Variants in CINP observed in about 807,000 individuals in gnomAD.
CINP encodes the protein cyclin dependent kinase 2 interacting protein, also known as cyclin-dependent kinase 2-interacting protein.
In CINP, 11 loss-of-function variants were observed where a neutral mutation model predicts 20.5. The ratio of observed to expected loss-of-function variants is 0.54; its 90% CI spans 0.34 to 0.89. The LOEUF (loss-of-function observed/expected upper bound fraction) is 0.89. Among genes scored for constraint, CINP ranks in the 40% least tolerant of loss-of-function variants. The probability of loss-of-function intolerance (pLI) is 0.02; values close to 1 mark genes in which losing one functional copy is unlikely to be tolerated. For missense variants in CINP, 213 were observed against 251.0 expected (o/e 0.85, Z 1.02); for synonymous variants, 108 against 102.1 (o/e 1.06, Z -0.35).
intron 1 of CINP, chr14:102,362,552 A>C: frequency 1.4e-6 from 1 of 703,296 alleles, no homozygotes; most frequent in Non-Finnish European, 2.6e-6. Flanking sequence ...TGTTAGTACT[A>C]ATTTATAGTG....
chr14:102,350,192 G>A, intron 3 of CINP, 144 bp from the exon 4 acceptor site: 1 of 665,340 alleles, frequency 1.5e-6, no homozygotes, highest in South Asian at 2.1e-5. Flanking sequence ...TCTACGTACA[G>A]CAAATTCCCA....
chr14:102,362,868 C>T lies in CINP; in HGVS notation c.-17G>A. On this transcript the variant is annotated 5_prime_UTR_variant, in exon 1 of 5. Coordinates refer to ENST00000216756, the MANE Select transcript of CINP (RefSeq NM_032630.3). Reference sequence around the variant, plus strand: ...ACCTTCCATAAGGTCCACAGATATCCGTAGAAGGAGACGCGAAGCCCCGCC... The same window carrying T: ...ACCTTCCATAAGGTCCACAGATATCTGTAGAAGGAGACGCGAAGCCCCGCC... The T allele has an allele frequency of 6.2e-7, 1 of 1,614,080 alleles. No homozygotes were observed. The highest frequency in any genetic ancestry group is 1.7e-5 in the Admixed American group (1 of 60,026).
At chr14:102,349,851 G>A in intron 4 of CINP, 68 bp downstream of exon 4, 2 of 1,564,872 alleles carry the variant, frequency 1.3e-6, no homozygotes, top group Admixed American at 1.8e-5. Flanking sequence ...AGTACCAGAT[G>A]TAAACGATAC....
At chr14:102,361,286 T>C (rs1319975091) in intron 1 of CINP, among the ~76,000 whole-genome samples, 10 of 151,900 alleles carry the variant, frequency 6.6e-5, no homozygotes, top group African/African-American at 1.2e-4. Flanking sequence ...TGGAATGAAA[T>C]AGACAGAAAA....
At chr14:102,361,307 G>T (rs1317185546) in intron 1 of CINP, among the ~76,000 whole-genome samples, 1 of 152,134 alleles carries the variant, frequency 6.6e-6, no homozygotes, top group Non-Finnish European at 1.5e-5. Context: ...GGACTAGTGC[G>T]TGAGTAGGTG....
chr14:102,353,191 A>G (rs1216858165), intron 3 of CINP, among the ~76,000 whole-genome samples: 1 of 151,978 alleles, frequency 6.6e-6, no homozygotes, highest in Non-Finnish European at 1.5e-5. Context: ...CCCACGCAGA[A>G]TAATTCCAAA....
intron 3 of CINP, among the ~76,000 whole-genome samples, chr14:102,355,338 A>C (rs987124215): frequency 2.0e-5 from 3 of 152,066 alleles, no homozygotes; most frequent in African/African-American, 7.2e-5. Flanking sequence ...AATATGGTGA[A>C]ACCCTGTCTC....
chr14:102,361,467 A>C (rs1373411149), intron 1 of CINP, among the ~76,000 whole-genome samples: 1 of 151,760 alleles, frequency 6.6e-6, no homozygotes, highest in Non-Finnish European at 1.5e-5. Context: ...GTGAAACCTC[A>C]TCTCTACTAA....
intron 3 of CINP, chr14:102,352,392 A>G (rs1380518716): frequency 7.3e-6 from 3 of 411,178 alleles, no homozygotes; most frequent in Middle Eastern, 3.5e-4. Flanking sequence ...GCCCTGAATG[A>G]ACAGTGCATA....
chr14:102,362,799 A>C, intron 1 of CINP, 46 bp downstream of exon 1: 1 of 1,612,946 alleles, frequency 6.2e-7, no homozygotes. Flanking sequence ...CTAAGCAGTA[A>C]CATTCACAGC....
rs58210806 is a variant in CINP, at chr14:102,350,808, C to CTTT, written c.307-763_307-761dup. Reference sequence around the variant, plus strand: ...CGTTTCTGATGTTCTCTCTCTCTCTCTTTTTTTTTTTTTTTTTTGAGACGG... The same window carrying CTTT: ...CGTTTCTGATGTTCTCTCTCTCTCTCTTTTTTTTTTTTTTTTTTTTTGAGACGG... On this transcript the variant is annotated intron_variant, in intron 3 of 4. Transcript: ENST00000216756. Among the ~76,000 whole-genome samples the CTTT allele has an allele frequency of 1.1e-3, 135 of 127,860 alleles. 3 individuals are homozygous for CTTT. Among genetic ancestry groups the CTTT allele is most frequent in the Non-Finnish European group, 1.1e-3 (66 of 61,202 alleles). The allele number at this position is 127,860 out of a possible 152,430, so 83.9% of individuals were successfully genotyped here.
At chr14:102,355,734 G>A (rs1242224833) in intron 3 of CINP, 34 bp downstream of exon 3, 12 of 1,609,754 alleles carry the variant, frequency 7.5e-6, no homozygotes, top group Non-Finnish European at 1.0e-5. Flanking sequence ...TTCAGTGACA[G>A]TGACCACAAG....
chr14:102,353,458 T>C (rs1374252074), intron 3 of CINP, among the ~76,000 whole-genome samples: 1 of 152,002 alleles, frequency 6.6e-6, no homozygotes, highest in African/African-American at 2.4e-5. Context: ...GAGCACTGCT[T>C]GAGCCCAGGA....
chr14:102,352,193 A>G (rs1236167254), intron 3 of CINP, among the ~76,000 whole-genome samples: 1 of 152,128 alleles, frequency 6.6e-6, no homozygotes, highest in Non-Finnish European at 1.5e-5. Context: ...GCCGACACCA[A>G]GTTTTAACAC....
intron 3 of CINP, chr14:102,352,492 G>A (rs1323215253): frequency 1.1e-5 from 5 of 455,832 alleles, no homozygotes; most frequent in South Asian, 3.1e-5. Flanking sequence ...TAGGAAGAAC[G>A]GTGCATGAAA....
chr14:102,357,100 G>GCC (rs1329237163), intron 2 of CINP, among the ~76,000 whole-genome samples: 1 of 152,164 alleles, frequency 6.6e-6, no homozygotes, highest in African/African-American at 2.4e-5. Context: ...CAGATAAGGG[G>GCC]CCAGGTGCGG....
chr14:102,355,700 C>G, intron 3 of CINP, 68 bp downstream of exon 3: 1 of 1,582,370 alleles, frequency 6.3e-7, no homozygotes, highest in Non-Finnish European at 8.6e-7. Context: ...AATGGTCAAG[C>G]AAACCCCAAA....
chr14:102,360,687 A>C (rs1216683146), intron 1 of CINP, among the ~76,000 whole-genome samples: 2 of 152,192 alleles, frequency 1.3e-5, no homozygotes, highest in Non-Finnish European at 2.9e-5. Context: ...GCCTCGCACA[A>C]GGCAAAAACC....
rs922265207 is a variant in CINP at position 102,351,870 on chromosome 14, TTTTTTGTTTTTG to T, written c.307-1834_307-1823del. ...GATACCATGCCTTCTGACACCAAGT[TTTTTTGTTTTTG>T]TTTTTGTTTTTGTTTTTTTTGAGAC... On this transcript the variant is annotated intron_variant, in intron 3 of 4. Transcript: ENST00000216756. The surrounding 1 kb of genome is among the most constrained non-coding windows in gnomAD (Gnocchi z 4.2). Among the ~76,000 whole-genome samples the T allele has an allele frequency of 7.2e-5, 11 of 152,098 alleles. No individual in the cohort carries two copies. Among genetic ancestry groups the T allele is most frequent in the Admixed American group, 1.3e-4 (2 of 15,252 alleles).
Sources: allele counts gnomAD v4.1 joint callset (sites outside exome capture counted in the v4.1 genomes callset), GRCh38; gene constraint gnomAD v4.1.1; non-coding constraint Gnocchi (gnomAD v3.1); transcripts MANE v1.5; gene names NCBI Gene and HGNC (gene_info 2026-07-23, HGNC 2026-07-21).